Variants in MAPKAPK5 observed in about 807,000 individuals in gnomAD.
MAPKAPK5 encodes the protein MAP kinase-activated protein kinase 5.
In MAPKAPK5, 30 loss-of-function variants were observed where a neutral mutation model predicts 65.1. The ratio of observed to expected loss-of-function variants is 0.46; its 90% CI spans 0.34 to 0.63. The LOEUF (loss-of-function observed/expected upper bound fraction) is 0.63, where lower values mean the gene tolerates loss of function less well. Among genes scored for constraint, MAPKAPK5 ranks in the 20% least tolerant of loss-of-function variants. MAPKAPK5 has a pLI of 0.01. For missense variants in MAPKAPK5, 433 were observed against 581.4 expected (o/e 0.74, Z 2.63); for synonymous variants, 179 against 204.6 (o/e 0.87, Z 1.07).
At chr12:111,867,149 C>G (rs2069641534) in intron 3 of MAPKAPK5, among the ~76,000 whole-genome samples, 1 of 152,008 alleles carries the variant, frequency 6.6e-6, no homozygotes, top group Admixed American at 6.6e-5. Context: ...CCAGGCTGGT[C>G]TCAAACTCCT....
rs138863221 is a variant in MAPKAPK5 at position 111,875,429 on chromosome 12, C to T, written c.579+4249C>T. Among the ~76,000 whole-genome samples, 213 of 152,196 alleles carry T rather than the reference C, an allele frequency of 1.4e-3. 1 individual carries two copies. The highest frequency in any genetic ancestry group is 5.0e-3 in the African/African-American group (206 of 41,506). ...ATTTTTTTAAAATATTCCACTTCTA[C>T]CCTCAGTCTTGGCCTTGCTAGTGCA... On this transcript the variant is annotated intron_variant, in intron 7 of 13. Coordinates refer to ENST00000550735, the MANE Select transcript of MAPKAPK5 (RefSeq NM_003668.4).
rs1232513475 is a variant in MAPKAPK5 at position 111,899,059 on chromosome 12, A to G, written c.*5998A>G. On this transcript the variant is annotated 3_prime_UTR_variant, in exon 14 of 14. Coordinates refer to ENST00000550735, the MANE Select transcript of MAPKAPK5 (RefSeq NM_003668.4). ...GTTGCTGTTGGAAGGAAGACATACTAAAGAAACTGCCGAAGGCCAGGAGAG... is the reference window on the plus strand; with the variant it reads ...GTTGCTGTTGGAAGGAAGACATACTGAAGAAACTGCCGAAGGCCAGGAGAG... 6.6e-6 allele frequency: 1 copy of G among 152,248 alleles called. No homozygotes were observed. Among genetic ancestry groups the G allele is most frequent in the Non-Finnish European group, 1.5e-5 (1 of 68,058 alleles). 9.4% of individuals were successfully genotyped at this position (152,248 alleles called of 1,614,324 possible).
intron 1 of MAPKAPK5, among the ~76,000 whole-genome samples, chr12:111,854,474 C>T (rs528302211): frequency 3.1e-4 from 47 of 152,100 alleles, no homozygotes; most frequent in African/African-American, 7.2e-4. Context: ...CTCTTGACCT[C>T]GTGATCCACC....
At chr12:111,849,244 T>G (rs1212007674) in intron 1 of MAPKAPK5, among the ~76,000 whole-genome samples, 8 of 151,216 alleles carry the variant, frequency 5.3e-5, no homozygotes, top group African/African-American at 1.7e-4. Context: ...AGAGTTCTTT[T>G]TTTTTTCTTT....
At chr12:111,888,241 G>A (rs1261840386) in intron 10 of MAPKAPK5, 2 of 393,500 alleles carry the variant, frequency 5.1e-6, no homozygotes, top group Non-Finnish European at 9.2e-6. Flanking sequence ...TTTCTTACTC[G>A]CATTTCTGTC....
chr12:111,868,904 G>T (rs1278812201), intron 5 of MAPKAPK5, 43 bp downstream of exon 5: 2 of 1,441,770 alleles, frequency 1.4e-6, no homozygotes, highest in Non-Finnish European at 1.9e-6. Flanking sequence ...ACCAAAGTTG[G>T]TTAACAAGCA....
chr12:111,852,181 A>C (rs2069105371), intron 1 of MAPKAPK5, among the ~76,000 whole-genome samples: 1 of 152,194 alleles, frequency 6.6e-6, no homozygotes, highest in Non-Finnish European at 1.5e-5. Context: ...AAGGATTAGT[A>C]TTGTATAGAA....
At chr12:111,869,591 T>A (rs1165702060) in intron 5 of MAPKAPK5, among the ~76,000 whole-genome samples, 1 of 152,146 alleles carries the variant, frequency 6.6e-6, no homozygotes, top group Non-Finnish European at 1.5e-5. Context: ...TCCTTTCTGG[T>A]AGGGAGGAAC....
chr12:111,881,149 C>T (rs1171908870), intron 8 of MAPKAPK5, among the ~76,000 whole-genome samples: 8 of 152,038 alleles, frequency 5.3e-5, no homozygotes, highest in African/African-American at 1.7e-4. Flanking sequence ...TCTCAGCTCA[C>T]TGCAACCTCC....
chr12:111,886,182 A>T, intron 10 of MAPKAPK5, 146 bp downstream of exon 10: 1 of 1,251,464 alleles, frequency 8.0e-7, no homozygotes, highest in Non-Finnish European at 1.1e-6. Flanking sequence ...GAGAGTCAGG[A>T]TCCAAAATAA....
At chr12:111,849,006 C>T (rs113133315) in intron 1 of MAPKAPK5, among the ~76,000 whole-genome samples, 11 of 152,144 alleles carry the variant, frequency 7.2e-5, no homozygotes, top group South Asian at 2.1e-4. Context: ...TCAAGTGATC[C>T]GCCTGCCTTG....
At chr12:111,850,271 C>T (rs1035581838) in intron 1 of MAPKAPK5, among the ~76,000 whole-genome samples, 19 of 152,160 alleles carry the variant, frequency 1.2e-4, no homozygotes, top group Admixed American at 7.9e-4. Context: ...TTGTGATCTG[C>T]CTGCATCGGC....
rs1278528897 is a variant in MAPKAPK5, at chr12:111,896,016, A to G, written c.*2955A>G. 3 of 152,200 alleles carry G rather than the reference A, an allele frequency of 2.0e-5. No homozygotes were observed. Among genetic ancestry groups the G allele is most frequent in the Non-Finnish European group, 4.4e-5 (3 of 68,036 alleles). The allele number at this position is 152,200 out of a possible 1,614,324, so 9.4% of individuals were successfully genotyped here. A position where few individuals can be genotyped will look rare whatever the true frequency, so the allele number is the denominator to read the frequency against. On this transcript the variant is annotated 3_prime_UTR_variant, in exon 14 of 14. Coordinates refer to ENST00000550735, the MANE Select transcript of MAPKAPK5 (RefSeq NM_003668.4). Reference sequence around the variant, plus strand: ...ACTGCACTTGTTTGTGTAATATTAGAACAACTGTAGTTTTCCTATCTTAGG... The same window carrying G: ...ACTGCACTTGTTTGTGTAATATTAGGACAACTGTAGTTTTCCTATCTTAGG...
At chr12:111,870,012 C>G (rs2069732976) in intron 5 of MAPKAPK5, among the ~76,000 whole-genome samples, 1 of 152,164 alleles carries the variant, frequency 6.6e-6, no homozygotes. Context: ...ACAGGATTTA[C>G]CCATCAGTTT....
Position 111,877,215 on chromosome 12 carries a change from C to T in MAPKAPK5, c.580-3232C>T, listed in dbSNP as rs192879377. Among the ~76,000 whole-genome samples, 79 of 152,232 alleles carry T rather than the reference C, an allele frequency of 5.2e-4. 1 individual carries two copies. In the East Asian group the frequency reaches 0.014, roughly 26 times the overall value. On this transcript the variant is annotated intron_variant, in intron 7 of 13. Transcript: ENST00000550735. Reference sequence around the variant, plus strand: ...TGTATTTTTAGTAGAGACAGGGTTTCGCCATGTTGTTCAGGTTGGTCTTGA... The same window carrying T: ...TGTATTTTTAGTAGAGACAGGGTTTTGCCATGTTGTTCAGGTTGGTCTTGA...
At chr12:111,859,752 C>T (rs777470034) in intron 1 of MAPKAPK5, among the ~76,000 whole-genome samples, 1 of 151,850 alleles carries the variant, frequency 6.6e-6, no homozygotes, top group South Asian at 2.1e-4. Flanking sequence ...CTGGTTCAAG[C>T]GATTCTCCTG....
chr12:111,882,911 G>A, intron 8 of MAPKAPK5: 1 of 916,816 alleles, frequency 1.1e-6, no homozygotes, highest in Non-Finnish European at 1.3e-6. Flanking sequence ...ACAACCAGCT[G>A]GTTTATATTT....
chr12:111,890,327 T>G (rs2070560068), intron 13 of MAPKAPK5, among the ~76,000 whole-genome samples, 183 bp downstream of exon 13: 1 of 152,200 alleles, frequency 6.6e-6, no homozygotes, highest in African/African-American at 2.4e-5. Context: ...CATACCTGGA[T>G]ATCTGGCCCT....
rs758023164 is a variant in MAPKAPK5, at chr12:111,900,913, C to T, written c.*7852C>T. On this transcript the variant is annotated 3_prime_UTR_variant, in exon 14 of 14. Coordinates refer to ENST00000550735, the MANE Select transcript of MAPKAPK5 (RefSeq NM_003668.4). The stretch of plus-strand genomic sequence containing the variant: ...CAATTATATGGATATGGTGCAAAAT[C>T]AGCCTCACAAGAGTGTTACAATTCA... 1.3e-5 allele frequency: 6 copies of T among 452,820 alleles called. No homozygotes were observed. The highest frequency in any genetic ancestry group is 4.4e-6 in the Non-Finnish European group (1 of 226,054). 28.1% of individuals were successfully genotyped at this position (452,820 alleles called of 1,614,324 possible).
Sources: allele counts gnomAD v4.1 joint callset (sites outside exome capture counted in the v4.1 genomes callset), GRCh38; gene constraint gnomAD v4.1.1; transcripts MANE v1.5; gene names NCBI Gene and HGNC (gene_info 2026-07-23, HGNC 2026-07-21).